The following RALGAPA1 variants were observed in gnomAD, a reference collection of about 807,000 sequenced individuals.
RALGAPA1 encodes Ral GTPase activating protein catalytic subunit alpha 1.
RALGAPA1 carries 52 observed loss-of-function variants against 269.6 expected under a neutral mutation model. The observed-to-expected ratio is 0.19, with a 90% confidence interval of 0.15 to 0.24. The LOEUF (loss-of-function observed/expected upper bound fraction) is 0.24. RALGAPA1 is among the 10% of genes least tolerant of loss of function. RALGAPA1 has a pLI of 1.00. For missense variants in RALGAPA1, 1,917 were observed against 3,013.9 expected (o/e 0.64, Z 8.52); for synonymous variants, 817 against 1,008.3 (o/e 0.81, Z 3.60).
At chr14:35,697,549 C>T (rs146844874) in intron 17 of RALGAPA1, among the ~76,000 whole-genome samples, 116 of 151,756 alleles carry the variant, frequency 7.6e-4, no homozygotes, top group Non-Finnish European at 1.3e-3. Flanking sequence ...GGTTTCATCG[C>T]GTTAGCCAGG....
intron 39 of RALGAPA1, among the ~76,000 whole-genome samples, chr14:35,567,094 T>C (rs1594614899): frequency 6.6e-6 from 1 of 151,986 alleles, no homozygotes; most frequent in Middle Eastern, 3.4e-3. Context: ...TCTACCTGAT[T>C]TAATGTATTT....
At chr14:35,791,320 G>GT (rs1403013040) in intron 1 of RALGAPA1, among the ~76,000 whole-genome samples, 2 of 152,066 alleles carry the variant, frequency 1.3e-5, no homozygotes, top group Non-Finnish European at 2.9e-5. Context: ...TTAACTTAAC[G>GT]TGCAAAGTAT....
chr14:35,644,518 T>A (rs191908491), intron 31 of RALGAPA1, among the ~76,000 whole-genome samples: 2 of 152,266 alleles, frequency 1.3e-5, no homozygotes. Flanking sequence ...CCAAATAACT[T>A]ATGAACACAT....
chr14:35,709,889 A>G (rs2068148003), intron 16 of RALGAPA1, among the ~76,000 whole-genome samples: 1 of 152,198 alleles, frequency 6.6e-6, no homozygotes, highest in African/African-American at 2.4e-5. Flanking sequence ...CATTGCAGTC[A>G]GAGGGTATAT....
At chr14:35,736,117 A>G (rs1188847912) in intron 12 of RALGAPA1, among the ~76,000 whole-genome samples, 1 of 152,210 alleles carries the variant, frequency 6.6e-6, no homozygotes, top group Admixed American at 6.5e-5. Flanking sequence ...AAGATTAGAG[A>G]GAGAAACTTA....
chr14:35,759,709 A>G (rs2073529283), intron 6 of RALGAPA1, among the ~76,000 whole-genome samples: 1 of 152,082 alleles, frequency 6.6e-6, no homozygotes, highest in Admixed American at 6.5e-5. Context: ...CAGGAGTTCG[A>G]GACCAGCTTG....
chr14:35,780,340 T>C (rs1035426702), intron 1 of RALGAPA1, among the ~76,000 whole-genome samples: 1 of 152,046 alleles, frequency 6.6e-6, no homozygotes, highest in African/African-American at 2.4e-5. Context: ...GAAGGGAAAA[T>C]AGAAGACCTA....
intron 39 of RALGAPA1, among the ~76,000 whole-genome samples, chr14:35,567,405 CTT>C (rs957730553): frequency 3.3e-5 from 5 of 151,974 alleles, no homozygotes; most frequent in African/African-American, 1.2e-4. Flanking sequence ...AATAATGTAA[CTT>C]ATTATTATAT....
chr14:35,564,407 A>G (rs1000306371), intron 39 of RALGAPA1: 13 of 152,232 alleles, frequency 8.5e-5, no homozygotes, highest in African/African-American at 3.1e-4. Context: ...ACGAAAGGCA[A>G]CTGCATTAGC....
intron 31 of RALGAPA1, among the ~76,000 whole-genome samples, chr14:35,644,909 T>A (rs1336418264): frequency 6.6e-6 from 1 of 152,028 alleles, no homozygotes; most frequent in African/African-American, 2.4e-5. Flanking sequence ...GAACTTAAAG[T>A]AAAATAAAAT....
chr14:35,779,924 C>A (rs2075317608), intron 1 of RALGAPA1, among the ~76,000 whole-genome samples: 1 of 152,110 alleles, frequency 6.6e-6, no homozygotes, highest in Admixed American at 6.5e-5. Context: ...GAGATTGAGA[C>A]CATCCTGGCC....
At position 35,577,040 on chromosome 14, in the gene RALGAPA1, A is replaced by AT. The variant is rs2057610785; in HGVS notation, c.7210-4323dup. On this transcript the variant is annotated intron_variant, in intron 37 of 41. Coordinates refer to ENST00000680220, the MANE Select transcript of RALGAPA1 (RefSeq NM_001346249.2). ...TAATCTAGTAATCCTATTAAAACAA[A>AT]TTAAGTTATTTTGATGTGATTTGTT... is the stretch of plus-strand genomic sequence containing the variant. 2.6e-5 allele frequency among the ~76,000 whole-genome samples: 4 copies of AT among 152,308 alleles called. No homozygotes were observed. The South Asian group carries it at 8.3e-4, about 32-fold the overall frequency.
intron 10 of RALGAPA1, 151 bp from the exon 11 acceptor site, chr14:35,742,716 A>C (rs1340337437): frequency 1.5e-5 from 10 of 647,950 alleles, no homozygotes; most frequent in Non-Finnish European, 5.5e-6. Context: ...TTTTGCCATA[A>C]GCTAATTGAT....
intron 35 of RALGAPA1, among the ~76,000 whole-genome samples, chr14:35,620,909 T>C (rs1486465264): frequency 6.6e-6 from 1 of 152,020 alleles, no homozygotes; most frequent in Admixed American, 6.6e-5. Context: ...AGAGGAAGAA[T>C]CAATATCATG....
At chr14:35,676,452 T>G (rs1200110479) in intron 22 of RALGAPA1, 2 of 152,298 alleles carry the variant, frequency 1.3e-5, no homozygotes, top group Admixed American at 1.3e-4. Flanking sequence ...CCTCAGGTGA[T>G]CCACCTGCCT....
intron 36 of RALGAPA1, among the ~76,000 whole-genome samples, chr14:35,596,050 G>A (rs1450302173): frequency 6.6e-6 from 1 of 152,046 alleles, no homozygotes; most frequent in Non-Finnish European, 1.5e-5. Flanking sequence ...CCTACTAGGT[G>A]TTAATGGTAA....
At chr14:35,585,520 A>G (rs1325468541) in intron 37 of RALGAPA1, among the ~76,000 whole-genome samples, 1 of 152,222 alleles carries the variant, frequency 6.6e-6, no homozygotes, top group African/African-American at 2.4e-5. Flanking sequence ...AATTAGTTAA[A>G]AATGGTTTAA....
At chr14:35,653,151 T>C (rs187443166) in intron 30 of RALGAPA1, among the ~76,000 whole-genome samples, 61 of 152,278 alleles carry the variant, frequency 4.0e-4, no homozygotes, top group African/African-American at 1.1e-3. Context: ...ATGACTCTTA[T>C]GTAGTTATTA....
intron 16 of RALGAPA1, among the ~76,000 whole-genome samples, chr14:35,709,111 T>C (rs563845131): frequency 1.3e-5 from 2 of 152,214 alleles, no homozygotes; most frequent in South Asian, 2.1e-4. Context: ...GTGCAGATGG[T>C]TAATGGGTAC....
Sources: allele counts gnomAD v4.1 joint callset (sites outside exome capture counted in the v4.1 genomes callset), GRCh38; gene constraint gnomAD v4.1.1; transcripts MANE v1.5; gene names NCBI Gene and HGNC (gene_info 2026-07-23, HGNC 2026-07-21).